Variants in NRXN3 observed in about 807,000 individuals in gnomAD.
NRXN3 encodes the protein neurexin III.
NRXN3 carries 32 observed loss-of-function variants against 137.6 expected under a neutral mutation model. The observed-to-expected ratio is 0.23, with a 90% CI of 0.18 to 0.31. The LOEUF (loss-of-function observed/expected upper bound fraction) is 0.31, where lower values mean the gene tolerates loss of function less well. Ranked by LOEUF, NRXN3 falls within the 10% of genes least tolerant of loss-of-function variation. The pLI is 1.00. For missense variants in NRXN3, 1,574 were observed against 2,062.5 expected (o/e 0.76, Z 4.59); for synonymous variants, 798 against 784.5 (o/e 1.02, Z -0.29).
intron 4 of NRXN3, among the ~76,000 whole-genome samples, chr14:78,472,777 G>A (rs151063522): frequency 7.3e-4 from 111 of 152,252 alleles, no homozygotes; most frequent in African/African-American, 2.6e-3. Context: ...ATAAAGGACA[G>A]GGGCTCCCTA....
At chr14:79,241,534 C>G (rs376523809) in intron 15 of NRXN3, among the ~76,000 whole-genome samples, 3 of 152,072 alleles carry the variant, frequency 2.0e-5, no homozygotes, top group Admixed American at 6.6e-5. Flanking sequence ...TTCACTACCA[C>G]GAGAACAGTA....
intron 1 of NRXN3, among the ~76,000 whole-genome samples, chr14:78,211,533 T>C (rs191615773): frequency 1.7e-4 from 26 of 152,344 alleles, no homozygotes; most frequent in African/African-American, 6.0e-4. Context: ...GAACACCTCT[T>C]GCAATCACAC....
At chr14:79,507,848 A>G (rs2096892855) in intron 16 of NRXN3, among the ~76,000 whole-genome samples, 1 of 152,180 alleles carries the variant, frequency 6.6e-6, no homozygotes, top group Non-Finnish European at 1.5e-5. Context: ...AGACAGAAGT[A>G]TATAGTGTGG....
chr14:78,960,890 A>G (rs145792360), intron 11 of NRXN3, among the ~76,000 whole-genome samples: 3 of 152,318 alleles, frequency 2.0e-5, no homozygotes, highest in Non-Finnish European at 4.4e-5. Context: ...ACTTGACAAA[A>G]TAGGATTGAG....
intron 10 of NRXN3, among the ~76,000 whole-genome samples, chr14:78,870,644 T>A (rs1340251320): frequency 6.6e-6 from 1 of 152,078 alleles, no homozygotes; most frequent in Non-Finnish European, 1.5e-5. Context: ...TCTAACTGTG[T>A]TTTCGTGCCT....
chr14:79,578,912 G>A (rs902731106), intron 16 of NRXN3, among the ~76,000 whole-genome samples: 1 of 152,008 alleles, frequency 6.6e-6, no homozygotes, highest in Non-Finnish European at 1.5e-5. Context: ...TAAGTAAATC[G>A]TGTTTTAACT....
chr14:79,572,484 G>C (rs1053924938), intron 16 of NRXN3, among the ~76,000 whole-genome samples: 4 of 152,016 alleles, frequency 2.6e-5, no homozygotes, highest in Non-Finnish European at 1.5e-5. Context: ...CTCCCCATTA[G>C]TACACTTGAG....
Position 78,526,813 on chromosome 14 carries a change from G to C in NRXN3, c.758-118307G>C, listed in dbSNP as rs377085250. The C allele has an allele frequency of 1.8e-4, 94 of 511,648 alleles. 1 individual carries two copies. The highest frequency in any genetic ancestry group is 3.2e-4 in the Middle Eastern group (1 of 3,160). The allele number at this position is 511,648 out of a possible 1,614,324, so 31.7% of individuals were successfully genotyped here. A position where few individuals can be genotyped will look rare whatever the true frequency, so the allele number is the denominator to read the frequency against. On this transcript the variant is annotated intron_variant, in intron 4 of 20. Transcript: ENST00000335750. Reference sequence around the variant, plus strand: ...AAATAAACAGCGATGAATAAAGTCTGTGGAAGAAAGGGGATTCATATTTTC... The same window carrying C: ...AAATAAACAGCGATGAATAAAGTCTCTGGAAGAAAGGGGATTCATATTTTC...
intron 19 of NRXN3, among the ~76,000 whole-genome samples, chr14:79,759,302 A>G (rs1254730821): frequency 1.3e-5 from 2 of 149,594 alleles, no homozygotes; most frequent in Non-Finnish European, 2.9e-5. Context: ...AGAATACTTC[A>G]TTACTGACAG....
chr14:79,296,789 G>A (rs922328148), intron 15 of NRXN3, among the ~76,000 whole-genome samples: 1 of 152,096 alleles, frequency 6.6e-6, no homozygotes, highest in Non-Finnish European at 1.5e-5. Context: ...GTAAATCCCT[G>A]GCTTAAAAAG....
chr14:79,770,396 T>G (rs1235056594), intron 19 of NRXN3, among the ~76,000 whole-genome samples: 55 of 145,256 alleles, frequency 3.8e-4, no homozygotes, highest in Admixed American at 1.1e-3. Flanking sequence ...TCAGCAAATG[T>G]AAAAGAACAG....
Position 78,400,890 on chromosome 14 carries a change from T to A in NRXN3, c.757+103030T>A, listed in dbSNP as rs370668923. Among the ~76,000 whole-genome samples the A allele has an allele frequency of 4.6e-5, 7 of 152,332 alleles. No individual in the cohort carries two copies. The East Asian group carries it at 1.3e-3, about 29-fold the overall frequency. On this transcript the variant is annotated intron_variant, in intron 4 of 20. Transcript: ENST00000335750. ...ATGATGAAAACCATCTTCATCTGTTTGTGCTGCTATAATAACATACCTGAG... is the reference window on the plus strand; with the variant it reads ...ATGATGAAAACCATCTTCATCTGTTAGTGCTGCTATAATAACATACCTGAG...
chr14:78,536,232 T>C (rs2096534308), intron 4 of NRXN3, among the ~76,000 whole-genome samples: 1 of 152,232 alleles, frequency 6.6e-6, no homozygotes, highest in Non-Finnish European at 1.5e-5. Context: ...CTTTCCTCAG[T>C]GTTCATCAAA....
At chr14:78,602,929 A>G (rs1323258696) in intron 4 of NRXN3, among the ~76,000 whole-genome samples, 2 of 152,082 alleles carry the variant, frequency 1.3e-5, no homozygotes. Flanking sequence ...TTCATGGCAT[A>G]GGGTTAAGAG....
intron 15 of NRXN3, among the ~76,000 whole-genome samples, chr14:79,184,068 T>C (rs778640568): frequency 7.9e-5 from 12 of 152,196 alleles, no homozygotes; most frequent in African/African-American, 1.2e-4. Context: ...CAACCTACCC[T>C]CCACATAGAA....
chr14:79,529,509 C>T (rs894500393), intron 16 of NRXN3, among the ~76,000 whole-genome samples: 4 of 152,196 alleles, frequency 2.6e-5, no homozygotes, highest in African/African-American at 9.7e-5. Context: ...GGGTCTCTCT[C>T]TTCCCTCACC....
intron 10 of NRXN3, among the ~76,000 whole-genome samples, chr14:78,891,153 G>A (rs1215166085): frequency 1.3e-5 from 2 of 151,888 alleles, no homozygotes; most frequent in African/African-American, 2.4e-5. Flanking sequence ...CTGGGAGGGT[G>A]CCACGTCTGT....
chr14:79,339,123 G>T (rs978498201), intron 15 of NRXN3, among the ~76,000 whole-genome samples: 1 of 148,444 alleles, frequency 6.7e-6, no homozygotes, highest in Non-Finnish European at 1.5e-5. Context: ...ATGAAGTGTT[G>T]CTGCAGTGCA....
At chr14:78,910,463 A>G (rs1016427389) in intron 10 of NRXN3, among the ~76,000 whole-genome samples, 1 of 152,100 alleles carries the variant, frequency 6.6e-6, no homozygotes, top group Non-Finnish European at 1.5e-5. Flanking sequence ...TAACAACCAA[A>G]TCATGACTAT....
Sources: allele counts gnomAD v4.1 joint callset (sites outside exome capture counted in the v4.1 genomes callset), GRCh38; gene constraint gnomAD v4.1.1; transcripts MANE v1.5; gene names NCBI Gene and HGNC (gene_info 2026-07-23, HGNC 2026-07-21).